Variants in LCLAT1 observed in about 807,000 individuals in gnomAD.
LCLAT1 encodes the protein lysocardiolipin acyltransferase 1, also known as 1-AGP acyltransferase 8.
A neutral mutation model predicts 30.7 loss-of-function variants in LCLAT1; 11 were observed. The ratio of observed to expected loss-of-function variants is 0.36; its 90% CI spans 0.23 to 0.59. The LOEUF is 0.59. Among genes scored for constraint, LCLAT1 ranks in the 20% least tolerant of loss-of-function variants. The pLI, the probability that LCLAT1 is intolerant of heterozygous loss-of-function variation, is 0.77. For missense variants in LCLAT1, 402 were observed against 458.6 expected, an observed-to-expected ratio of 0.88 and a Z score of 1.13; for synonymous variants, 155 against 151.3, an observed-to-expected ratio of 1.02 and a Z score of -0.18.
chr2:30,584,592 G>A (rs1049203260), intron 5 of LCLAT1, among the ~76,000 whole-genome samples: 10 of 152,148 alleles, frequency 6.6e-5, no homozygotes, highest in Non-Finnish European at 1.5e-4. Context: ...ATTTCTTGCT[G>A]TAATTCTTTC....
chr2:30,519,953 G>A (rs1057425820), intron 1 of LCLAT1, among the ~76,000 whole-genome samples: 3 of 152,160 alleles, frequency 2.0e-5, no homozygotes, highest in East Asian at 1.9e-4. Context: ...CACCGTGTCC[G>A]CTGCGCTTCT....
chr2:30,495,696 C>T (rs913231094), intron 1 of LCLAT1, among the ~76,000 whole-genome samples: 2 of 152,050 alleles, frequency 1.3e-5, no homozygotes, highest in African/African-American at 4.8e-5. Context: ...GGTGAAAGGG[C>T]AGAGGAGAGG....
intron 5 of LCLAT1, chr2:30,605,938 C>T: frequency 9.5e-7 from 1 of 1,055,960 alleles, no homozygotes; most frequent in Non-Finnish European, 1.2e-6. Context: ...AACCTAGATC[C>T]CTCACTTGCA....
At chr2:30,623,587 A>AAC in intron 5 of LCLAT1, among the ~76,000 whole-genome samples, 1 of 152,258 alleles carries the variant, frequency 6.6e-6, no homozygotes, top group Middle Eastern at 3.4e-3. Flanking sequence ...GGAAAAAAAA[A>AAC]ACAACAAAGC....
At chr2:30,490,406 C>T (rs1344934825) in intron 1 of LCLAT1, among the ~76,000 whole-genome samples, 1 of 151,790 alleles carries the variant, frequency 6.6e-6, no homozygotes, top group African/African-American at 2.4e-5. Flanking sequence ...TGGGTTTCAC[C>T]GTGTTAGCCA....
chr2:30,639,127 A>C (rs1209233297), intron 5 of LCLAT1, among the ~76,000 whole-genome samples: 4 of 152,202 alleles, frequency 2.6e-5, no homozygotes, highest in Non-Finnish European at 5.9e-5. Flanking sequence ...TCTGAAGAAT[A>C]ACATGGGGTC....
chr2:30,525,188 T>G (rs1393930984), intron 1 of LCLAT1, among the ~76,000 whole-genome samples: 1 of 152,042 alleles, frequency 6.6e-6, no homozygotes. Flanking sequence ...CACTGTAACA[T>G]CTACCTCAGC....
chr2:30,503,164 G>C (rs1558480786), intron 1 of LCLAT1, among the ~76,000 whole-genome samples: 1 of 152,196 alleles, frequency 6.6e-6, no homozygotes, highest in Non-Finnish European at 1.5e-5. Context: ...AACTGTCGTG[G>C]CGCTGGTGGG....
chr2:30,604,554 A>T (rs1667337626), intron 5 of LCLAT1, among the ~76,000 whole-genome samples: 1 of 151,258 alleles, frequency 6.6e-6, no homozygotes, highest in Non-Finnish European at 1.5e-5. Flanking sequence ...GTAAAATAAA[A>T]TTATACTTTC....
At chr2:30,447,780 A>G (rs1681334777) in intron 1 of LCLAT1, among the ~76,000 whole-genome samples, 2 of 152,154 alleles carry the variant, frequency 1.3e-5, no homozygotes, top group Admixed American at 1.3e-4. Flanking sequence ...ACGCAACCTG[A>G]GGTCTGACCC....
chr2:30,611,693 A>G (rs990752751), intron 5 of LCLAT1, among the ~76,000 whole-genome samples: 44 of 152,128 alleles, frequency 2.9e-4, no homozygotes, highest in African/African-American at 1.1e-3. Context: ...GAGATTCTTA[A>G]CTGGTCTGGG....
chr2:30,557,283 C>CAT (rs1553374027), intron 3 of LCLAT1, among the ~76,000 whole-genome samples: 3 of 138,562 alleles, frequency 2.2e-5, no homozygotes, highest in African/African-American at 8.3e-5. Context: ...AAGGTATGAT[C>CAT]GTGTGTGTGT....
At chr2:30,617,506 A>G (rs1371719544) in intron 5 of LCLAT1, among the ~76,000 whole-genome samples, 1 of 152,176 alleles carries the variant, frequency 6.6e-6, no homozygotes, top group African/African-American at 2.4e-5. Context: ...TTTTTGTATT[A>G]ATACAAGAAT....
Position 30,640,418 on chromosome 2 carries a change from C to T in LCLAT1, c.930C>T (p.Leu310=). The T allele has an allele frequency of 6.2e-7, 1 of 1,614,178 alleles. No homozygotes were observed. Among genetic ancestry groups the T allele is most frequent in the African/African-American group, 1.3e-5 (1 of 75,026 alleles). The change falls in exon 6 of 6, where the codon CTC becomes CTT. Residue 310 remains leucine, a synonymous_variant. Coordinates refer to ENST00000379509, the MANE Select transcript of LCLAT1 (RefSeq NM_001002257.3). ...TCAGGGTCCTTGTGGTCAAATTGCT[C>T]TCTATACTGTATTGGACCCTGTTCA... The part of the protein sequence containing the change: ...SELRVLVVKL[L]SILYWTLFSP...
At chr2:30,528,148 A>G (rs1176839465) in intron 2 of LCLAT1, among the ~76,000 whole-genome samples, 1 of 152,258 alleles carries the variant, frequency 6.6e-6, no homozygotes, top group Admixed American at 6.5e-5. Context: ...AGTACATAGC[A>G]AGTTGCACAT....
At chr2:30,596,106 ATG>A in intron 5 of LCLAT1, among the ~76,000 whole-genome samples, 1 of 152,304 alleles carries the variant, frequency 6.6e-6, no homozygotes, top group South Asian at 2.1e-4. Context: ...ACATGCGTGC[ATG>A]TATCTTTCTT....
At chr2:30,620,237 T>C (rs1668176370) in intron 5 of LCLAT1, among the ~76,000 whole-genome samples, 1 of 152,200 alleles carries the variant, frequency 6.6e-6, no homozygotes, top group Non-Finnish European at 1.5e-5. Flanking sequence ...TTCCCCAGTG[T>C]GGCCTTTCCA....
chr2:30,592,566 AAACTG>A (rs1666743492), intron 5 of LCLAT1, among the ~76,000 whole-genome samples: 2 of 152,230 alleles, frequency 1.3e-5, no homozygotes, highest in Admixed American at 1.3e-4. Flanking sequence ...GTTGTTTATA[AAACTG>A]AACTGAGATA....
At chr2:30,622,492 A>AG (rs1307198158) in intron 5 of LCLAT1, among the ~76,000 whole-genome samples, 1 of 152,200 alleles carries the variant, frequency 6.6e-6, no homozygotes, top group African/African-American at 2.4e-5. Flanking sequence ...GCTGGAGGTC[A>AG]GCCAACACAA....
Sources: gnomAD v4.1 joint callset for allele counts (sites outside exome capture counted in the v4.1 genomes callset) on GRCh38, gnomAD v4.1.1 for gene constraint, MANE v1.5 for transcripts, NCBI Gene and HGNC (gene_info 2026-07-23, HGNC 2026-07-21) for gene names.